The following CCDC93 variants were observed in gnomAD, a reference collection of about 807,000 sequenced individuals.
CCDC93 encodes the protein coiled-coil domain-containing protein 93.
CCDC93 carries 61 observed loss-of-function variants against 108.2 expected under a neutral mutation model. The observed-to-expected ratio is 0.56, with a 90% CI of 0.46 to 0.70. The LOEUF (loss-of-function observed/expected upper bound fraction) is 0.70, where lower values mean the gene tolerates loss of function less well. Among genes scored for constraint, CCDC93 ranks in the 30% least tolerant of loss-of-function variants. The probability of loss-of-function intolerance (pLI) is 0.00; values close to 1 mark genes in which losing one functional copy is unlikely to be tolerated. For synonymous variants in CCDC93, 276 were observed against 260.4 expected, an observed-to-expected ratio of 1.06 and a Z score of -0.58; for missense variants, 685 against 764.2, an observed-to-expected ratio of 0.90 and a Z score of 1.22.
chr2:117,917,368 C>G lies in CCDC93; in HGVS notation c.*2975G>C, dbSNP rs1488577398. ...TAAAAGGACTGTCTGAAGGTCTTCT[C>G]CAGCCTCTGCTCAAGGTTTCAGGAG... On this transcript the variant is annotated 3_prime_UTR_variant, in exon 24 of 24. Transcript: ENST00000376300. 15 of 152,688 alleles carry G rather than the reference C, an allele frequency of 9.8e-5. No homozygotes were observed. In the Admixed American group the frequency reaches 9.8e-4, roughly 10 times the overall value. The allele number at this position is 152,688 out of a possible 1,614,324, so 9.5% of individuals were successfully genotyped here. A position where few individuals can be genotyped will look rare whatever the true frequency, so the allele number is the denominator to read the frequency against.
rs1677692866 is a variant in CCDC93 at position 117,916,578 on chromosome 2, A to G, written c.*3765T>C. On this transcript the variant is annotated 3_prime_UTR_variant, in exon 24 of 24. Transcript: ENST00000376300. ...TCCAACCGGAATTTCCCAGTCAGTC[A>G]TCTACCTTGAGCTAGATGCTGGGGA... is the stretch of plus-strand genomic sequence containing the variant. 6.6e-6 allele frequency: 1 copy of G among 152,332 alleles called. No homozygotes were observed. The highest frequency in any genetic ancestry group is 2.1e-4 in the South Asian group (1 of 4,828). 9.4% of individuals were successfully genotyped at this position (152,332 alleles called of 1,614,324 possible).
At chr2:117,977,481 G>C (rs1378565567) in intron 8 of CCDC93, among the ~76,000 whole-genome samples, 1 of 152,202 alleles carries the variant, frequency 6.6e-6, no homozygotes, top group Non-Finnish European at 1.5e-5. Flanking sequence ...TACCTGTCCT[G>C]CTGCTGACAA....
chr2:117,951,481 G>A (rs529970659), intron 13 of CCDC93: 24 of 987,582 alleles, frequency 2.4e-5, no homozygotes, highest in African/African-American at 1.4e-4. Flanking sequence ...GCTACATATC[G>A]CTACAGAGTA....
At chr2:117,938,352 C>T (rs1283641125) in intron 20 of CCDC93, among the ~76,000 whole-genome samples, 3 of 152,102 alleles carry the variant, frequency 2.0e-5, no homozygotes, top group Non-Finnish European at 2.9e-5. Flanking sequence ...GTGCTCCAAC[C>T]GTTTGTCATC....
chr2:118,005,282 G>A, intron 3 of CCDC93, among the ~76,000 whole-genome samples: 1 of 152,158 alleles, frequency 6.6e-6, no homozygotes, highest in East Asian at 1.9e-4. Flanking sequence ...AAAACTCAAG[G>A]GGAATTTAGG....
chr2:117,983,437 AG>A (rs1680210360), intron 7 of CCDC93, among the ~76,000 whole-genome samples: 1 of 152,148 alleles, frequency 6.6e-6, no homozygotes. Flanking sequence ...CAGAGGGCCA[AG>A]GGGAAGCTTC....
chr2:117,986,260 A>G (rs550920763), intron 6 of CCDC93, among the ~76,000 whole-genome samples, 191 bp from the exon 7 acceptor site: 1 of 141,878 alleles, frequency 7.0e-6, no homozygotes, highest in East Asian at 2.1e-4. Flanking sequence ...CTCTGCCTCT[A>G]CCGTGGGGTA....
chr2:117,941,068 CT>C (rs1411652344), intron 19 of CCDC93, 120 bp downstream of exon 19: 2 of 694,826 alleles, frequency 2.9e-6, no homozygotes, highest in Non-Finnish European at 5.0e-6. Context: ...TGAAACGGAG[CT>C]TTCCGGTGGT....
rs1676940284 is a variant in CCDC93, at chr2:118,008,634, G to T, written c.67C>A (p.Gln23Lys). The T allele has an allele frequency of 1.2e-6, 2 of 1,612,322 alleles. No individual in the cohort carries two copies. Among genetic ancestry groups the T allele is most frequent in the Non-Finnish European group, 1.7e-6 (2 of 1,178,702 alleles). The change falls in exon 2 of 24, where the codon CAA (glutamine) becomes AAA (lysine). Residue 23 changes from glutamine (Q) to lysine (K), a missense_variant. By Grantham distance (53) the Gln-to-Lys change is moderately conservative (BLOSUM62 1). Coordinates refer to ENST00000376300, the MANE Select transcript of CCDC93 (RefSeq NM_019044.5). ...AGAATTTCAGTCAACTTGACATTTTGTTCTTCATCTTCTCTTGTTTCCACC... is the reference window on the plus strand; with the variant it reads ...AGAATTTCAGTCAACTTGACATTTTTTTCTTCATCTTCTCTTGTTTCCACC... ...PEVETREDEE[Q>K]NVKLTEILEL...
At chr2:117,956,340 C>T (rs1194843942) in intron 12 of CCDC93, among the ~76,000 whole-genome samples, 1 of 152,202 alleles carries the variant, frequency 6.6e-6, no homozygotes, top group Non-Finnish European at 1.5e-5. Flanking sequence ...AAAACAGACT[C>T]AAGAGTCAGG....
intron 16 of CCDC93, 60 bp downstream of exon 16, chr2:117,946,751 G>A (rs1007001057): frequency 1.6e-6 from 2 of 1,224,356 alleles, no homozygotes; most frequent in Admixed American, 3.4e-5. Context: ...TGGTCCTCTA[G>A]AACTATCTTT....
intron 23 of CCDC93, among the ~76,000 whole-genome samples, chr2:117,923,021 G>A (rs1677930910): frequency 6.6e-6 from 1 of 151,544 alleles, no homozygotes; most frequent in Non-Finnish European, 1.5e-5. Flanking sequence ...AAAAAAAAAG[G>A]ACTACCCACC....
chr2:117,973,098 G>A (rs957828626), intron 11 of CCDC93, among the ~76,000 whole-genome samples: 2 of 152,150 alleles, frequency 1.3e-5, no homozygotes, highest in South Asian at 2.1e-4. Context: ...AGCTGATAAC[G>A]CCTCCAGATT....
chr2:117,926,370 A>C (rs1678095840), intron 23 of CCDC93, among the ~76,000 whole-genome samples: 1 of 152,240 alleles, frequency 6.6e-6, no homozygotes, highest in South Asian at 2.1e-4. Flanking sequence ...ATAGACTGCT[A>C]GCAAGACTAA....
intron 22 of CCDC93, among the ~76,000 whole-genome samples, chr2:117,932,463 G>T (rs143515589): frequency 6.6e-6 from 1 of 152,312 alleles, no homozygotes; most frequent in East Asian, 1.9e-4. Flanking sequence ...GCTGTTCAGA[G>T]AAAGACCCAC....
chr2:117,956,992 G>C (rs1232806456), intron 12 of CCDC93, among the ~76,000 whole-genome samples: 1 of 151,800 alleles, frequency 6.6e-6, no homozygotes, highest in Non-Finnish European at 1.5e-5. Flanking sequence ...CTGGTTTCAA[G>C]CAATTCTCCT....
chr2:117,984,817 ACT>A (rs557645258), intron 7 of CCDC93, among the ~76,000 whole-genome samples: 68 of 152,062 alleles, frequency 4.5e-4, no homozygotes, highest in Non-Finnish European at 9.0e-4. Context: ...GGCTAGACAG[ACT>A]CTGTCATGAT....
At chr2:117,921,649 A>G (rs1677875801) in intron 23 of CCDC93, 1 of 152,212 alleles carries the variant, frequency 6.6e-6, no homozygotes, top group Non-Finnish European at 1.5e-5. Context: ...CCCCACGGTC[A>G]ATTTTTCCAG....
At chr2:117,924,842 T>G (rs1275678055) in intron 23 of CCDC93, among the ~76,000 whole-genome samples, 1 of 152,012 alleles carries the variant, frequency 6.6e-6, no homozygotes, top group African/African-American at 2.4e-5. Flanking sequence ...TTCACCAAAG[T>G]TGAAATGGAA....
Sources: gnomAD v4.1 joint callset for allele counts (sites outside exome capture counted in the v4.1 genomes callset) on GRCh38, gnomAD v4.1.1 for gene constraint, MANE v1.5 for transcripts, NCBI Gene and HGNC (gene_info 2026-07-23, HGNC 2026-07-21) for gene names.